CDKAL1: variants seen among roughly 807,000 people sequenced by gnomAD.
The protein encoded by CDKAL1 is CDKAL1 threonylcarbamoyladenosine tRNA methylthiotransferase.
In CDKAL1, 32 loss-of-function variants were observed where a neutral mutation model predicts 68.2. The observed-to-expected ratio is 0.47, with a 90% CI of 0.35 to 0.63. The LOEUF (loss-of-function observed/expected upper bound fraction) is 0.63, where lower values mean the gene tolerates loss of function less well. CDKAL1 is among the 30% of genes least tolerant of loss of function. CDKAL1 has a pLI of 0.00. For synonymous variants in CDKAL1, 234 were observed against 244.3 expected, an observed-to-expected ratio of 0.96 and a Z score of 0.39; for missense variants, 606 against 696.7, an observed-to-expected ratio of 0.87 and a Z score of 1.47.
chr6:21,079,386 A>G (rs1008142404), intron 12 of CDKAL1, among the ~76,000 whole-genome samples: 6 of 152,192 alleles, frequency 3.9e-5, no homozygotes, highest in African/African-American at 1.4e-4. Flanking sequence ...GGAATCAGAA[A>G]GCCCATTGAG....
intron 5 of CDKAL1, chr6:20,722,466 A>C (rs1423760883): frequency 3.2e-6 from 1 of 311,640 alleles, no homozygotes; most frequent in Non-Finnish European, 6.1e-6. Context: ...TCTTTTTGGC[A>C]GTAGCCTTTT....
chr6:20,633,033 G>GGTTTTT (rs112812803), intron 4 of CDKAL1, among the ~76,000 whole-genome samples: 6 of 152,188 alleles, frequency 3.9e-5, no homozygotes, highest in East Asian at 3.9e-4. Context: ...CTTACCTCTA[G>GGTTTTT]GTTTTTGTTT....
chr6:20,722,215 C>A (rs146668235), intron 5 of CDKAL1: 2 of 152,008 alleles, frequency 1.3e-5, no homozygotes, highest in Non-Finnish European at 2.9e-5. Context: ...TAATTTGGGA[C>A]CATAATACGT....
At chr6:20,831,855 C>T (rs1024000216) in intron 8 of CDKAL1, among the ~76,000 whole-genome samples, 1 of 152,122 alleles carries the variant, frequency 6.6e-6, no homozygotes, top group Non-Finnish European at 1.5e-5. Context: ...GCTGAATGAA[C>T]GTAGAATGGT....
At chr6:20,927,447 C>T (rs913038042) in intron 9 of CDKAL1, among the ~76,000 whole-genome samples, 5 of 152,166 alleles carry the variant, frequency 3.3e-5, no homozygotes, top group Admixed American at 3.3e-4. Flanking sequence ...CAGTGAAGAA[C>T]GGTGAACAAA....
intron 5 of CDKAL1, among the ~76,000 whole-genome samples, chr6:20,662,897 A>G (rs777869453): frequency 2.0e-5 from 3 of 152,172 alleles, no homozygotes; most frequent in Non-Finnish European, 4.4e-5. Flanking sequence ...GTAGAGGCTT[A>G]CATGACTTAG....
intron 4 of CDKAL1, among the ~76,000 whole-genome samples, chr6:20,570,870 A>G (rs986570328): frequency 6.6e-6 from 1 of 151,930 alleles, no homozygotes; most frequent in African/African-American, 2.4e-5. Flanking sequence ...TAGTCTCTTC[A>G]TTTAGTGCAA....
intron 15 of CDKAL1, among the ~76,000 whole-genome samples, chr6:21,205,246 A>T (rs1778858641): frequency 6.6e-6 from 1 of 152,208 alleles, no homozygotes; most frequent in Non-Finnish European, 1.5e-5. Flanking sequence ...GTTATGAATA[A>T]TATTTGCTAT....
chr6:20,715,530 CT>C (rs1354048046), intron 5 of CDKAL1, among the ~76,000 whole-genome samples: 2 of 152,162 alleles, frequency 1.3e-5, no homozygotes, highest in South Asian at 2.1e-4. Context: ...GTGCAGAGAT[CT>C]TTTATGAAGT....
intron 9 of CDKAL1, among the ~76,000 whole-genome samples, chr6:20,861,277 G>A (rs112550420): frequency 8.5e-5 from 13 of 152,238 alleles, no homozygotes; most frequent in African/African-American, 2.9e-4. Flanking sequence ...AAATGTAAGC[G>A]TACGTAAACC....
chr6:21,005,417 A>G (rs933131334), intron 11 of CDKAL1, among the ~76,000 whole-genome samples: 5 of 152,246 alleles, frequency 3.3e-5, no homozygotes, highest in African/African-American at 7.2e-5. Flanking sequence ...TATCCTACGG[A>G]TAGATATTTA....
chr6:20,576,595 C>T (rs921578038), intron 4 of CDKAL1, among the ~76,000 whole-genome samples: 1 of 152,162 alleles, frequency 6.6e-6, no homozygotes. Context: ...CATTTTTACT[C>T]CTGGGTAATG....
At chr6:20,707,966 C>T (rs969866902) in intron 5 of CDKAL1, among the ~76,000 whole-genome samples, 5 of 151,302 alleles carry the variant, frequency 3.3e-5, no homozygotes, top group African/African-American at 9.7e-5. Context: ...GTGATCTAAA[C>T]TCTGAAACCA....
At chr6:21,064,928 A>T in intron 11 of CDKAL1, 120 bp from the exon 12 acceptor site, 1 of 599,356 alleles carries the variant, frequency 1.7e-6, no homozygotes, top group Non-Finnish European at 2.7e-6. Flanking sequence ...AACTATTTGC[A>T]CGTGTGCTTT....
intron 5 of CDKAL1, among the ~76,000 whole-genome samples, chr6:20,718,482 G>C (rs1772195129): frequency 6.6e-6 from 1 of 152,164 alleles, no homozygotes; most frequent in African/African-American, 2.4e-5. Context: ...GTAGTGACTT[G>C]AGTACTGTTT....
At chr6:21,221,571 A>G (rs1003637423) in intron 15 of CDKAL1, among the ~76,000 whole-genome samples, 2 of 152,084 alleles carry the variant, frequency 1.3e-5, no homozygotes, top group African/African-American at 4.8e-5. Flanking sequence ...TGCATAATGT[A>G]TGTTTTAAGA....
At chr6:20,783,297 A>G (rs1013126452) in intron 8 of CDKAL1, among the ~76,000 whole-genome samples, 10 of 152,192 alleles carry the variant, frequency 6.6e-5, no homozygotes, top group Admixed American at 4.6e-4. Flanking sequence ...TTAAAACATT[A>G]GTATTTCAGG....
intron 4 of CDKAL1, among the ~76,000 whole-genome samples, chr6:20,623,268 T>C (rs1363376980): frequency 6.6e-6 from 1 of 152,070 alleles, no homozygotes; most frequent in Non-Finnish European, 1.5e-5. Flanking sequence ...TTGAGAAGAC[T>C]GGTAATTTTT....
At chr6:20,795,110 T>C (rs1776055211) in intron 8 of CDKAL1, among the ~76,000 whole-genome samples, 2 of 152,112 alleles carry the variant, frequency 1.3e-5, no homozygotes, top group Non-Finnish European at 2.9e-5. Context: ...TATTCACTCA[T>C]TATTTACCTT....
Sources: gnomAD v4.1 joint callset for allele counts (sites outside exome capture counted in the v4.1 genomes callset) on GRCh38, gnomAD v4.1.1 for gene constraint, MANE v1.5 for transcripts, NCBI Gene and HGNC (gene_info 2026-07-23, HGNC 2026-07-21) for gene names.